Variants in BCL2L1 observed in about 807,000 individuals in gnomAD.
BCL2L1 encodes the protein BCL2 like 1.
A neutral mutation model predicts 18.7 loss-of-function variants in BCL2L1; 1 was observed. That is an observed-to-expected ratio of 0.05 (90% confidence interval 0.02 to 0.25). The LOEUF (loss-of-function observed/expected upper bound fraction) is 0.25. Among genes scored for constraint, BCL2L1 ranks in the 10% least tolerant of loss-of-function variants. The probability of loss-of-function intolerance (pLI) is 1.00; values close to 1 mark genes in which losing one functional copy is unlikely to be tolerated. For synonymous variants in BCL2L1, 103 were observed against 122.7 expected, an observed-to-expected ratio of 0.84 and a Z score of 1.06; for missense variants, 207 against 304.9, an observed-to-expected ratio of 0.68 and a Z score of 2.39.
chr20:31,687,359 A>G (rs1322291767), intron 2 of BCL2L1, among the ~76,000 whole-genome samples: 1 of 152,002 alleles, frequency 6.6e-6, no homozygotes, highest in Admixed American at 6.6e-5. Flanking sequence ...CTCTGAACGG[A>G]GAAAATTCTC....
At chr20:31,714,315 G>A (rs1231074369) in intron 2 of BCL2L1, among the ~76,000 whole-genome samples, 1 of 152,166 alleles carries the variant, frequency 6.6e-6, no homozygotes, top group Non-Finnish European at 1.5e-5. Context: ...GAGTAGAACT[G>A]GGATTCCAAC....
chr20:31,697,786 G>A (rs1404510955), intron 2 of BCL2L1, among the ~76,000 whole-genome samples: 4 of 151,944 alleles, frequency 2.6e-5, no homozygotes, highest in Non-Finnish European at 4.4e-5. Flanking sequence ...TCTGTAGAAT[G>A]TGGATACCAC....
intron 2 of BCL2L1, among the ~76,000 whole-genome samples, chr20:31,669,246 G>A (rs924885784): frequency 6.6e-6 from 1 of 151,274 alleles, no homozygotes; most frequent in African/African-American, 2.4e-5. Context: ...TTTTTGTAGA[G>A]ACAGGGTCTC....
intron 2 of BCL2L1, among the ~76,000 whole-genome samples, chr20:31,692,623 A>C (rs942617498): frequency 6.7e-6 from 1 of 149,012 alleles, no homozygotes; most frequent in Non-Finnish European, 1.5e-5. Context: ...ATAATACAAA[A>C]CTTAGGGCTG....
chr20:31,698,417 T>C (rs916978939), intron 2 of BCL2L1, among the ~76,000 whole-genome samples: 2 of 152,052 alleles, frequency 1.3e-5, no homozygotes, highest in African/African-American at 4.8e-5. Flanking sequence ...AAATTTTTTG[T>C]AGAGATGGAG....
intron 2 of BCL2L1, among the ~76,000 whole-genome samples, chr20:31,669,746 A>C (rs2060638799): frequency 6.6e-6 from 1 of 151,900 alleles, no homozygotes; most frequent in Non-Finnish European, 1.5e-5. Flanking sequence ...CCTATACTAG[A>C]TGTGTCTTGA....
chr20:31,697,892 G>GTTT (rs199575410), intron 2 of BCL2L1, among the ~76,000 whole-genome samples: 7 of 129,640 alleles, frequency 5.4e-5, no homozygotes, highest in African/African-American at 2.0e-4. Context: ...TGCTGTTGCT[G>GTTT]TTTTTTTTTT....
At chr20:31,720,475 G>A (rs934994701) in intron 2 of BCL2L1, 2 of 940,400 alleles carry the variant, frequency 2.1e-6, no homozygotes, top group African/African-American at 3.5e-5. Context: ...AGGGAGATAA[G>A]CAAGAAAACA....
At chr20:31,666,315 C>T (rs945362812) in intron 2 of BCL2L1, among the ~76,000 whole-genome samples, 1 of 152,030 alleles carries the variant, frequency 6.6e-6, no homozygotes, top group Non-Finnish European at 1.5e-5. Flanking sequence ...AGGAAAGTGC[C>T]CTGTCTGAGG....
At chr20:31,674,874 C>CAAAAAA (rs11372425) in intron 2 of BCL2L1, among the ~76,000 whole-genome samples, 3 of 74,744 alleles carry the variant, frequency 4.0e-5, no homozygotes, top group Non-Finnish European at 5.7e-5. Context: ...GACCCCGTCT[C>CAAAAAA]AAAAAAAAAA....
rs747807022 is a variant in BCL2L1 at position 31,721,986 on chromosome 20, C to G, written c.233G>C (p.Arg78Pro). 31 of 1,613,984 alleles carry G rather than the reference C, an allele frequency of 1.9e-5. No individual in the cohort carries two copies. The South Asian group carries it at 3.4e-4, about 18-fold the overall frequency. The change falls in exon 2 of 3, where the codon CGG becomes CCG. Residue 78 changes from arginine to proline, a missense_variant. By Grantham distance (103) the Arg-to-Pro change is moderately radical (BLOSUM62 -2). Transcript: ENST00000307677. ...TACTGCTGCCATGGGGATCACCTCC[C>G]GGGCATCCAAACTGCTGCTGTGGCC... ...ATGHSSSLDAREVIPMAAVKQ... is the reference protein window; with the variant it reads ...ATGHSSSLDAPEVIPMAAVKQ...
chr20:31,688,056 T>A (rs534173205), intron 2 of BCL2L1, among the ~76,000 whole-genome samples: 1 of 152,304 alleles, frequency 6.6e-6, no homozygotes, highest in East Asian at 1.9e-4. Context: ...GATTATCAGA[T>A]AATGTGCTGG....
rs2061659246 is a variant in BCL2L1, at chr20:31,722,827, C to G, written c.-340G>C. 1 of 152,242 alleles carries G rather than the reference C, an allele frequency of 6.6e-6. No individual in the cohort carries two copies. Among genetic ancestry groups the G allele is most frequent in the African/African-American group, 2.4e-5 (1 of 41,446 alleles). The allele number at this position is 152,242 out of a possible 1,614,324, so 9.4% of individuals were successfully genotyped here. A position where few individuals can be genotyped will look rare whatever the true frequency, so the allele number is the denominator to read the frequency against. Reference sequence around the variant, plus strand: ...ACACAGGAATTGCGAAGCTCAGGAACCAGCCCCCTCGCTTGCTTCCTCCTC... The same window carrying G: ...ACACAGGAATTGCGAAGCTCAGGAAGCAGCCCCCTCGCTTGCTTCCTCCTC... On this transcript the variant is annotated 5_prime_UTR_variant, in exon 1 of 3. Coordinates refer to ENST00000307677, the MANE Select transcript of BCL2L1 (RefSeq NM_138578.3).
chr20:31,670,362 C>T (rs990450044), intron 2 of BCL2L1, among the ~76,000 whole-genome samples: 1 of 152,120 alleles, frequency 6.6e-6, no homozygotes, highest in East Asian at 1.9e-4. Flanking sequence ...CCTGGTTATC[C>T]CAAGAGGCCA....
At chr20:31,719,809 TATA>T (rs1157457413) in intron 2 of BCL2L1, among the ~76,000 whole-genome samples, 2 of 152,174 alleles carry the variant, frequency 1.3e-5, no homozygotes, top group African/African-American at 4.8e-5. Flanking sequence ...GCCTTTTGTT[TATA>T]GCTGGCAACA....
Position 31,664,564 on chromosome 20 carries a change from G to A in BCL2L1, c.*1385C>T, listed in dbSNP as rs2060557075. The A allele has an allele frequency of 5.0e-6, 1 of 200,422 alleles. No homozygotes were observed. Among genetic ancestry groups the A allele is most frequent in the Non-Finnish European group, 1.0e-5 (1 of 96,840 alleles). 12.4% of individuals were successfully genotyped at this position (200,422 alleles called of 1,614,324 possible). On this transcript the variant is annotated 3_prime_UTR_variant, in exon 3 of 3. Transcript: ENST00000307677. The stretch of plus-strand genomic sequence containing the variant: ...GGTGGGGGTTGGGGGAGGGGCAGAT[G>A]CCCCTCAGGAGCCAGGACCCTCGGC...
intron 2 of BCL2L1, among the ~76,000 whole-genome samples, chr20:31,693,964 G>T (rs940101729): frequency 8.6e-5 from 13 of 151,830 alleles, no homozygotes; most frequent in African/African-American, 3.1e-4. Flanking sequence ...AAAAAAAAAA[G>T]TGTACTGAAA....
At chr20:31,693,089 A>G (rs528803730) in intron 2 of BCL2L1, among the ~76,000 whole-genome samples, 2 of 151,056 alleles carry the variant, frequency 1.3e-5, no homozygotes, top group Admixed American at 6.6e-5. Flanking sequence ...AACAAAAACA[A>G]AAACAAAAAA....
chr20:31,692,880 C>T (rs2061099834), intron 2 of BCL2L1, among the ~76,000 whole-genome samples: 1 of 151,770 alleles, frequency 6.6e-6, no homozygotes, highest in Non-Finnish European at 1.5e-5. Flanking sequence ...CACTGCACTA[C>T]AGCCTGGGCG....
Sources: allele counts gnomAD v4.1 joint callset (sites outside exome capture counted in the v4.1 genomes callset), GRCh38; gene constraint gnomAD v4.1.1; transcripts MANE v1.5; gene names NCBI Gene and HGNC (gene_info 2026-07-23, HGNC 2026-07-21).